Variants in ROBO2 observed in about 807,000 individuals in gnomAD.
ROBO2 encodes roundabout homolog 2.
A neutral mutation model predicts 160.8 loss-of-function variants in ROBO2; 53 were observed. That is an observed-to-expected ratio of 0.33 (90% CI 0.26 to 0.41). ROBO2 has a LOEUF of 0.41. Ranked by LOEUF, ROBO2 falls within the 10% of genes least tolerant of loss-of-function variation. The pLI, the probability that ROBO2 is intolerant of heterozygous loss-of-function variation, is 1.00. For missense variants in ROBO2, 1,577 were observed against 1,722.4 expected (o/e 0.92, Z 1.49); for synonymous variants, 664 against 611.7 (o/e 1.09, Z -1.26).
At chr3:77,561,222 A>C (rs2093313197) in intron 9 of ROBO2, among the ~76,000 whole-genome samples, 1 of 152,214 alleles carries the variant, frequency 6.6e-6, no homozygotes. Flanking sequence ...TGAGTCATCA[A>C]CACACTTATA....
chr3:77,251,482 A>G (rs768322098), intron 2 of ROBO2, among the ~76,000 whole-genome samples: 2 of 152,062 alleles, frequency 1.3e-5, no homozygotes, highest in Non-Finnish European at 2.9e-5. Context: ...TGCTTAGAAG[A>G]TCTCAGAATT....
At chr3:76,634,038 T>G (rs2090176431) in intron 2 of ROBO2, among the ~76,000 whole-genome samples, 1 of 152,228 alleles carries the variant, frequency 6.6e-6, no homozygotes, top group South Asian at 2.1e-4. Context: ...CTGTATTCAT[T>G]TGCTAACATC....
chr3:76,683,615 T>C (rs1160593114), intron 2 of ROBO2, among the ~76,000 whole-genome samples: 2 of 152,154 alleles, frequency 1.3e-5, no homozygotes, highest in African/African-American at 4.8e-5. Context: ...TATAATCTCA[T>C]GTAACTAGGA....
intron 2 of ROBO2, among the ~76,000 whole-genome samples, chr3:77,349,058 T>C (rs1333195299): frequency 6.6e-6 from 1 of 152,166 alleles, no homozygotes; most frequent in Non-Finnish European, 1.5e-5. Context: ...TTACCTAACA[T>C]CAGCCTAGCC....
At chr3:76,135,278 C>A (rs1181355612) in intron 2 of ROBO2, among the ~76,000 whole-genome samples, 2 of 152,086 alleles carry the variant, frequency 1.3e-5, no homozygotes, top group African/African-American at 4.8e-5. Flanking sequence ...AATAATTAGC[C>A]TTTTAATATA....
chr3:76,755,013 A>G (rs1394708259), intron 2 of ROBO2, among the ~76,000 whole-genome samples: 1 of 151,918 alleles, frequency 6.6e-6, no homozygotes, highest in Non-Finnish European at 1.5e-5. Context: ...CCTACACATT[A>G]TAAACTTTTT....
intron 2 of ROBO2, among the ~76,000 whole-genome samples, chr3:76,097,705 G>A (rs953210245): frequency 2.0e-5 from 3 of 152,152 alleles, no homozygotes; most frequent in South Asian, 2.1e-4. Flanking sequence ...TGTGCAGAAC[G>A]TAGGAAGCAG....
chr3:77,070,688 T>C (rs2067315910), intron 1 of ROBO2, among the ~76,000 whole-genome samples: 1 of 152,146 alleles, frequency 6.6e-6, no homozygotes, highest in African/African-American at 2.4e-5. Context: ...ATGGGATAGA[T>C]AGGGTATTGT....
At chr3:76,886,275 T>G (rs1477017044) in intron 2 of ROBO2, among the ~76,000 whole-genome samples, 1 of 141,982 alleles carries the variant, frequency 7.0e-6, no homozygotes, top group Non-Finnish European at 1.6e-5. Context: ...TATATATATA[T>G]AGACCCTTTG....
At chr3:76,041,535 A>G (rs574485818) in intron 2 of ROBO2, among the ~76,000 whole-genome samples, 1 of 152,052 alleles carries the variant, frequency 6.6e-6, no homozygotes, top group Non-Finnish European at 1.5e-5. Flanking sequence ...TAAGAAACAT[A>G]TGTGTATTTT....
At chr3:77,207,491 C>G (rs1460939906) in intron 2 of ROBO2, among the ~76,000 whole-genome samples, 3 of 152,170 alleles carry the variant, frequency 2.0e-5, no homozygotes, top group Admixed American at 2.0e-4. Flanking sequence ...ATGCTTCTAT[C>G]TTTTGTTCAC....
At chr3:77,079,031 C>T (rs538662950) in intron 1 of ROBO2, among the ~76,000 whole-genome samples, 2 of 152,184 alleles carry the variant, frequency 1.3e-5, no homozygotes, top group African/African-American at 4.8e-5. Context: ...GCAACCTCTG[C>T]CCCCTGAGCC....
intron 2 of ROBO2, among the ~76,000 whole-genome samples, chr3:77,474,926 C>G (rs2083812568): frequency 6.6e-6 from 1 of 152,048 alleles, no homozygotes; most frequent in Non-Finnish European, 1.5e-5. Flanking sequence ...TAAATACAGA[C>G]CCCAGAAACA....
intron 2 of ROBO2, among the ~76,000 whole-genome samples, chr3:76,255,784 G>A (rs537431043): frequency 1.8e-4 from 28 of 151,856 alleles, no homozygotes; most frequent in African/African-American, 5.1e-4. Flanking sequence ...TTCTCATGCA[G>A]TTAAAAGCAA....
chr3:76,589,487 A>G (rs1316989352), intron 2 of ROBO2, among the ~76,000 whole-genome samples: 1 of 152,140 alleles, frequency 6.6e-6, no homozygotes, highest in African/African-American at 2.4e-5. Context: ...TATTTTTAGT[A>G]GAGACGGGGT....
intron 2 of ROBO2, among the ~76,000 whole-genome samples, chr3:77,116,507 G>A (rs1442895914): frequency 6.6e-6 from 1 of 151,902 alleles, no homozygotes; most frequent in Non-Finnish European, 1.5e-5. Flanking sequence ...CCCTTCCTTG[G>A]CTCCTTCTCC....
At chr3:75,927,541 C>T (rs1167559458) in intron 1 of ROBO2, among the ~76,000 whole-genome samples, 5 of 152,178 alleles carry the variant, frequency 3.3e-5, no homozygotes. Flanking sequence ...CACATAGTCA[C>T]GTAAAGTATA....
At chr3:76,686,004 G>C (rs145757462) in intron 2 of ROBO2, among the ~76,000 whole-genome samples, 12 of 152,192 alleles carry the variant, frequency 7.9e-5, no homozygotes, top group African/African-American at 2.6e-4. Context: ...AAGCTAGAGC[G>C]ACGGTGAATC....
At chr3:76,307,359 CCTT>C (rs2071379987) in intron 2 of ROBO2, among the ~76,000 whole-genome samples, 1 of 152,210 alleles carries the variant, frequency 6.6e-6, no homozygotes, top group Non-Finnish European at 1.5e-5. Context: ...TTATAGTACT[CCTT>C]CTCTGCAGTC....
Sources: allele counts gnomAD v4.1 joint callset (sites outside exome capture counted in the v4.1 genomes callset), GRCh38; gene constraint gnomAD v4.1.1; transcripts MANE v1.5; gene names NCBI Gene and HGNC (gene_info 2026-07-23, HGNC 2026-07-21).